The following LUZP1 variants were observed in gnomAD, a reference collection of about 807,000 sequenced individuals.
The protein encoded by LUZP1 is leucine zipper protein 1.
In LUZP1, 25 loss-of-function variants were observed where a neutral mutation model predicts 71.3. The observed-to-expected ratio is 0.35, with a 90% CI of 0.26 to 0.49. The LOEUF (loss-of-function observed/expected upper bound fraction) is 0.49, where lower values mean the gene tolerates loss of function less well. Among genes scored for constraint, LUZP1 ranks in the 20% least tolerant of loss-of-function variants. The pLI, the probability that LUZP1 is intolerant of heterozygous loss-of-function variation, is 0.99. For missense variants in LUZP1, 1,142 were observed against 1,300.8 expected (o/e 0.88, Z 1.88); for synonymous variants, 481 against 506.4 (o/e 0.95, Z 0.67).
chr1:23,090,710 G>C, intron 4 of LUZP1: 1 of 618,628 alleles, frequency 1.6e-6, no homozygotes. Flanking sequence ...TCATCCCTGA[G>C]AGGCCAGCAG....
intron 3 of LUZP1, among the ~76,000 whole-genome samples, chr1:23,101,253 T>C (rs955868883): frequency 7.2e-5 from 11 of 152,288 alleles, no homozygotes; most frequent in Middle Eastern, 3.4e-3. Context: ...AAAAACAATA[T>C]GGTAATCCCT....
chr1:23,135,653 G>A (rs946663925), intron 2 of LUZP1, among the ~76,000 whole-genome samples: 4 of 152,260 alleles, frequency 2.6e-5, no homozygotes, highest in Non-Finnish European at 5.9e-5. Flanking sequence ...CGGAGTTGCT[G>A]TACATATATC....
At chr1:23,092,470 T>C (rs1263769857) in exon 4 of LUZP1, 1 of 1,614,214 alleles carries the variant, frequency 6.2e-7, no homozygotes, top group South Asian at 1.1e-5. Flanking sequence ...ACAGGAGCCT[T>C]GGAATTCGGG....
intron 2 of LUZP1, among the ~76,000 whole-genome samples, chr1:23,131,070 T>C (rs1644211055): frequency 6.6e-6 from 1 of 151,578 alleles, no homozygotes; most frequent in African/African-American, 2.4e-5. Context: ...AATACAAAAA[T>C]TAGCCAGGCG....
At chr1:23,161,198 T>G (rs968647147) in intron 2 of LUZP1, among the ~76,000 whole-genome samples, 1 of 152,184 alleles carries the variant, frequency 6.6e-6, no homozygotes, top group African/African-American at 2.4e-5. Flanking sequence ...GTTCTCTGCT[T>G]TCATGGAATC....
At position 23,143,492 on chromosome 1, in the gene LUZP1, T is replaced by C. The variant is rs879844132; in HGVS notation, c.-226+25274A>G. ...TGCTGAAGCGGCACTGACTAGTTAC[T>C]GGTGATGGTATGACTTTAGTAGAAA... On this transcript the variant is annotated intron_variant, in intron 2 of 4. Transcript: ENST00000302291. Among the ~76,000 whole-genome samples the C allele has an allele frequency of 1.5e-4, 23 of 152,238 alleles. 1 individual carries two copies. Among genetic ancestry groups the C allele is most frequent in the Non-Finnish European group, 2.9e-4 (20 of 68,046 alleles).
At chr1:23,156,647 G>A (rs575372256) in intron 2 of LUZP1, among the ~76,000 whole-genome samples, 1 of 151,448 alleles carries the variant, frequency 6.6e-6, no homozygotes, top group South Asian at 2.1e-4. Flanking sequence ...TTGTTTTATA[G>A]AGGTTTCAGC....
At chr1:23,107,731 G>A (rs1643994986) in intron 3 of LUZP1, among the ~76,000 whole-genome samples, 1 of 152,182 alleles carries the variant, frequency 6.6e-6, no homozygotes, top group Non-Finnish European at 1.5e-5. Context: ...GAGCCCAGGA[G>A]GAGGAGGTTT....
intron 3 of LUZP1, among the ~76,000 whole-genome samples, chr1:23,102,929 C>G (rs1161566739): frequency 6.6e-6 from 1 of 151,878 alleles, no homozygotes; most frequent in Non-Finnish European, 1.5e-5. Context: ...TTTTTCATTT[C>G]ATTTCATTTG....
At chr1:23,134,066 C>A (rs1644235192) in intron 2 of LUZP1, among the ~76,000 whole-genome samples, 1 of 152,222 alleles carries the variant, frequency 6.6e-6, no homozygotes, top group Non-Finnish European at 1.5e-5. Flanking sequence ...CACAGCAACG[C>A]CCATTTGTTT....
intron 2 of LUZP1, among the ~76,000 whole-genome samples, chr1:23,120,418 A>G (rs7519813): frequency 0.17 from 25,815 of 151,880 alleles, 2,251 homozygotes; most frequent in East Asian, 0.27. Flanking sequence ...CAGGAGTGCA[A>G]TGGTGCAATC....
At chr1:23,104,157 C>A (rs79891104) in intron 3 of LUZP1, among the ~76,000 whole-genome samples, 3 of 151,286 alleles carry the variant, frequency 2.0e-5, no homozygotes, top group Non-Finnish European at 4.4e-5. Flanking sequence ...ACAGCCATTC[C>A]GATGGTAAAC....
intron 2 of LUZP1, chr1:23,133,316 C>T (rs1201984730): frequency 6.6e-6 from 1 of 152,100 alleles, no homozygotes; most frequent in East Asian, 1.9e-4. Flanking sequence ...ATCACAACCG[C>T]CAGTGTAATA....
intron 2 of LUZP1, among the ~76,000 whole-genome samples, chr1:23,155,099 T>C (rs897347525): frequency 1.3e-5 from 2 of 152,188 alleles, no homozygotes; most frequent in African/African-American, 2.4e-5. Flanking sequence ...TTATACTCCA[T>C]TACAGCTGTG....
intron 2 of LUZP1, chr1:23,109,635 G>T (rs768045472): frequency 9.2e-5 from 14 of 152,154 alleles, no homozygotes; most frequent in Non-Finnish European, 1.8e-4. Context: ...CAATACTCAG[G>T]TTTATTCAAT....
chr1:23,146,862 C>T (rs1347071314), intron 2 of LUZP1, among the ~76,000 whole-genome samples: 3 of 151,786 alleles, frequency 2.0e-5, no homozygotes, highest in Non-Finnish European at 4.4e-5. Context: ...CTTTGGGAGG[C>T]CGAGGCAGGC....
chr1:23,136,233 G>T (rs1017826864), intron 2 of LUZP1, among the ~76,000 whole-genome samples: 1 of 151,030 alleles, frequency 6.6e-6, no homozygotes, highest in Non-Finnish European at 1.5e-5. Context: ...AGGGCCAGGC[G>T]CAGTGGCTCA....
chr1:23,096,900 G>A (rs950875548), intron 3 of LUZP1, among the ~76,000 whole-genome samples: 17 of 152,126 alleles, frequency 1.1e-4, no homozygotes, highest in South Asian at 6.2e-4. Flanking sequence ...CTGAACCCAC[G>A]GGACGGAGGC....
intron 1 of LUZP1, among the ~76,000 whole-genome samples, chr1:23,172,221 A>G (rs946644739): frequency 3.3e-5 from 5 of 152,236 alleles, no homozygotes; most frequent in African/African-American, 1.2e-4. Flanking sequence ...ATAGATTTGT[A>G]TGATTGGACA....
Sources: gnomAD v4.1 joint callset for allele counts (sites outside exome capture counted in the v4.1 genomes callset) on GRCh38, gnomAD v4.1.1 for gene constraint, MANE v1.5 for transcripts, NCBI Gene and HGNC (gene_info 2026-07-23, HGNC 2026-07-21) for gene names.